The following SGK3 variants were observed in gnomAD, a reference collection of about 807,000 sequenced individuals.
The protein encoded by SGK3 is serine/threonine-protein kinase Sgk3.
Under a neutral mutation model 68.5 loss-of-function variants are expected in SGK3, and 47 were observed. The ratio of observed to expected loss-of-function variants is 0.69; its 90% CI spans 0.54 to 0.87. The LOEUF (loss-of-function observed/expected upper bound fraction) is 0.87. Ranked by LOEUF, SGK3 falls within the 40% of genes least tolerant of loss-of-function variation. The pLI, the probability that SGK3 is intolerant of heterozygous loss-of-function variation, is 0.00. For synonymous variants in SGK3, 181 were observed against 189.1 expected (o/e 0.96, Z 0.35); for missense variants, 479 against 575.5 (o/e 0.83, Z 1.72).
At chr8:66,784,073 CT>C (rs34245297) in intron 1 of SGK3, among the ~76,000 whole-genome samples, 1 of 151,644 alleles carries the variant, frequency 6.6e-6, no homozygotes, top group Non-Finnish European at 1.5e-5. Flanking sequence ...AATTTTTAAA[CT>C]TTTTTTTGTG....
rs367960772 is a variant in SGK3 at position 66,830,316 on chromosome 8, A to G, written c.468-938A>G. On this transcript the variant is annotated intron_variant, in intron 7 of 16. Transcript: ENST00000521198. ...TTTCAGTACCTCTGCATATCTTTAA[A>G]GAAGAAAATAGTTCAAAGAGCAGGT... Among the ~76,000 whole-genome samples the G allele has an allele frequency of 1.1e-4, 16 of 152,370 alleles. No homozygotes were observed. The South Asian group carries it at 3.3e-3, about 32-fold the overall frequency.
intron 14 of SGK3, among the ~76,000 whole-genome samples, chr8:66,846,505 G>A (rs1037921579): frequency 1.3e-5 from 2 of 151,988 alleles, no homozygotes; most frequent in East Asian, 1.9e-4. Flanking sequence ...CAGTAGAGAC[G>A]GTTTCACCAT....
chr8:66,751,756 T>TTATG (rs1213859318), intron 1 of SGK3, among the ~76,000 whole-genome samples: 3 of 151,194 alleles, frequency 2.0e-5, no homozygotes, highest in Non-Finnish European at 2.9e-5. Flanking sequence ...ATTTATTTAT[T>TTATG]TATTTATTTA....
chr8:66,724,033 A>G (rs1804901713), intron 1 of SGK3, among the ~76,000 whole-genome samples: 1 of 152,092 alleles, frequency 6.6e-6, no homozygotes, highest in Non-Finnish European at 1.5e-5. Context: ...TCTTCCCTTT[A>G]TATTTCTATT....
At chr8:66,721,228 C>T (rs924912041) in intron 1 of SGK3, among the ~76,000 whole-genome samples, 1 of 152,214 alleles carries the variant, frequency 6.6e-6, no homozygotes, top group South Asian at 2.1e-4. Context: ...TCTCTCCATC[C>T]ATCCCCTTTT....
chr8:66,775,307 TG>T (rs1287663586), intron 1 of SGK3: 1 of 152,102 alleles, frequency 6.6e-6, no homozygotes, highest in Non-Finnish European at 1.5e-5. Flanking sequence ...GCGCCGGGGG[TG>T]GGTGCCCGAA....
chr8:66,768,084 C>T (rs1806382016), intron 1 of SGK3: 3 of 505,408 alleles, frequency 5.9e-6, no homozygotes, highest in Non-Finnish European at 1.1e-5. Context: ...TGAATTATAC[C>T]ACATCACTTA....
rs1037167594 is a variant in SGK3 at position 66,836,739 on chromosome 8, G to T, written c.741+665G>T. Among the ~76,000 whole-genome samples, 3 of 148,632 alleles carry T rather than the reference G, an allele frequency of 2.0e-5. No individual in the cohort carries two copies. The South Asian group carries it at 6.4e-4, about 32-fold the overall frequency. On this transcript the variant is annotated intron_variant, in intron 10 of 16. Coordinates refer to ENST00000521198, the MANE Select transcript of SGK3 (RefSeq NM_001033578.3). ...TATGCCTCAGCATGTTAAAGACTTC[G>T]AGAAATTCTGCCTTAAACAAAGTCA...
intron 1 of SGK3, among the ~76,000 whole-genome samples, chr8:66,779,014 C>G (rs908409481): frequency 2.0e-5 from 3 of 152,124 alleles, no homozygotes; most frequent in African/African-American, 4.8e-5. Context: ...TGAAGATTCT[C>G]TTTCTCTCTG....
In SGK3 at chr8:66,793,620, C is replaced by G; in HGVS notation, c.-117C>G. On this transcript the variant is annotated 5_prime_UTR_variant, in exon 2 of 17. Transcript: ENST00000521198. ...TTTTTTTTTCTGTTGGTTAAGGTTG[C>G]ATGATGGAATTTGAACATTACTTCA... is the stretch of plus-strand genomic sequence containing the variant. 1 of 852,310 alleles carries G rather than the reference C, an allele frequency of 1.2e-6. No individual in the cohort carries two copies. The highest frequency in any genetic ancestry group is 1.7e-5 in the African/African-American group (1 of 57,658). The allele number at this position is 852,310 out of a possible 1,614,324, so 52.8% of individuals were successfully genotyped here. A position where few individuals can be genotyped will look rare whatever the true frequency, so the allele number is the denominator to read the frequency against.
At chr8:66,761,574 C>T (rs1434496944) in intron 1 of SGK3, among the ~76,000 whole-genome samples, 1 of 152,126 alleles carries the variant, frequency 6.6e-6, no homozygotes, top group Admixed American at 6.5e-5. Flanking sequence ...TTTGAGACCA[C>T]CCTAGCCAAA....
At position 66,757,163 on chromosome 8, in the gene SGK3, G is replaced by A. The variant is rs1457977646; in HGVS notation, c.-121-36453G>A. Among the ~76,000 whole-genome samples the A allele has an allele frequency of 3.1e-5, 4 of 131,122 alleles. No individual in the cohort carries two copies. The East Asian group carries it at 6.8e-4, about 22-fold the overall frequency. 86.0% of individuals were successfully genotyped at this position (131,122 alleles called of 152,430 possible). On this transcript the variant is annotated intron_variant, in intron 1 of 16. Coordinates refer to ENST00000521198, the MANE Select transcript of SGK3 (RefSeq NM_001033578.3). Reference sequence around the variant, plus strand: ...TTTTTTTTTTTTGAGACAGGGTCTCGCTCTGTTGCCCAGGCTGGAATGCAG... The same window carrying A: ...TTTTTTTTTTTTGAGACAGGGTCTCACTCTGTTGCCCAGGCTGGAATGCAG...
At chr8:66,776,415 T>C (rs1806716697) in intron 1 of SGK3, among the ~76,000 whole-genome samples, 1 of 152,192 alleles carries the variant, frequency 6.6e-6, no homozygotes, top group East Asian at 1.9e-4. Context: ...GGTGGATGCT[T>C]ATTTGTACTA....
At chr8:66,817,519 A>AT (rs1808642626) in intron 5 of SGK3, among the ~76,000 whole-genome samples, 1 of 151,654 alleles carries the variant, frequency 6.6e-6, no homozygotes, top group Admixed American at 6.6e-5. Flanking sequence ...CACCTGGCTA[A>AT]TTTTTGTATT....
chr8:66,757,944 CAT>C (rs1368747828), intron 1 of SGK3, among the ~76,000 whole-genome samples: 63 of 127,232 alleles, frequency 5.0e-4, no homozygotes, highest in East Asian at 1.0e-3. Context: ...TATATATATA[CAT>C]ATATATATAT....
At chr8:66,737,918 G>A (rs746073736) in intron 1 of SGK3, among the ~76,000 whole-genome samples, 1 of 151,668 alleles carries the variant, frequency 6.6e-6, no homozygotes, top group African/African-American at 2.4e-5. Flanking sequence ...ACCCAGCCCC[G>A]GACCTTTATG....
intron 3 of SGK3, 101 bp downstream of exon 3, chr8:66,798,726 A>C: frequency 1.0e-6 from 1 of 983,024 alleles, no homozygotes; most frequent in Non-Finnish European, 1.5e-6. Flanking sequence ...CTCATATGTT[A>C]ATATGTCAGA....
At position 66,717,048 on chromosome 8, in the gene SGK3, T is replaced by A. The variant is rs369903081; in HGVS notation, c.-122+4215T>A. On this transcript the variant is annotated intron_variant, in intron 1 of 16. Transcript: ENST00000521198. The stretch of plus-strand genomic sequence containing the variant: ...CTGTCTCTACTAAAAAAAAAAAAAA[T>A]ACATAAATTAGCTGGGCATGGTGGT... 1.1e-3 allele frequency among the ~76,000 whole-genome samples: 149 copies of A among 138,406 alleles called. 1 individual carries two copies. Among genetic ancestry groups the A allele is most frequent in the African/African-American group, 3.8e-3 (142 of 37,530 alleles). 90.8% of individuals were successfully genotyped at this position (138,406 alleles called of 152,430 possible).
At chr8:66,773,385 AGAAT>A (rs1485098999) in intron 1 of SGK3, among the ~76,000 whole-genome samples, 1 of 152,202 alleles carries the variant, frequency 6.6e-6, no homozygotes, top group Non-Finnish European at 1.5e-5. Context: ...AGTTAGGGCA[AGAAT>A]GATACAGTAT....
Sources: gnomAD v4.1 joint callset for allele counts (sites outside exome capture counted in the v4.1 genomes callset) on GRCh38, gnomAD v4.1.1 for gene constraint, MANE v1.5 for transcripts, NCBI Gene and HGNC (gene_info 2026-07-23, HGNC 2026-07-21) for gene names.